Variants in SBF2 observed in about 807,000 individuals in gnomAD.
SBF2 encodes myotubularin-related protein 13.
A neutral mutation model predicts 225.2 loss-of-function variants in SBF2; 112 were observed. The ratio of observed to expected loss-of-function variants is 0.50; its 90% CI spans 0.43 to 0.58. SBF2 has a LOEUF of 0.58. Among genes scored for constraint, SBF2 ranks in the 20% least tolerant of loss-of-function variants. SBF2 has a pLI of 0.00. For synonymous variants in SBF2, 763 were observed against 773.3 expected (o/e 0.99, Z 0.22); for missense variants, 1,996 against 2,206.2 (o/e 0.90, Z 1.91).
rs142786410 is a variant in SBF2 at position 9,779,020 on chromosome 11, T to C, written c.*1398A>G. 398 of 152,772 alleles carry C rather than the reference T, an allele frequency of 2.6e-3. 3 individuals are homozygous for C. Among genetic ancestry groups the C allele is most frequent in the African/African-American group, 9.1e-3 (378 of 41,584 alleles). The allele number at this position is 152,772 out of a possible 1,614,324, so 9.5% of individuals were successfully genotyped here. A position where few individuals can be genotyped will look rare whatever the true frequency, so the allele number is the denominator to read the frequency against. On this transcript the variant is annotated 3_prime_UTR_variant, in exon 40 of 40. Transcript: ENST00000256190. The stretch of plus-strand genomic sequence containing the variant: ...CAGGTGGCAATTTATAAAATGGAAA[T>C]GATAGAAAAGTCCTTCATTCTTAAT...
intron 18 of SBF2, 34 bp from the exon 19 acceptor site, chr11:9,856,754 C>A: frequency 6.2e-7 from 1 of 1,601,026 alleles, no homozygotes; most frequent in East Asian, 2.2e-5. Context: ...CAAAAGAGAA[C>A]CATCACTTCA....
chr11:9,923,375 A>T (rs1410587257), intron 16 of SBF2, among the ~76,000 whole-genome samples: 1 of 152,204 alleles, frequency 6.6e-6, no homozygotes, highest in Non-Finnish European at 1.5e-5. Context: ...GGAGAGACTA[A>T]GCAATTTAAA....
intron 2 of SBF2, among the ~76,000 whole-genome samples, chr11:10,108,066 T>C (rs1190652244): frequency 6.6e-6 from 1 of 152,222 alleles, no homozygotes; most frequent in African/African-American, 2.4e-5. Context: ...TTAAAAGTTA[T>C]GAAAGTATAC....
intron 30 of SBF2, among the ~76,000 whole-genome samples, chr11:9,812,085 G>A (rs1854218685): frequency 6.6e-6 from 1 of 151,986 alleles, no homozygotes; most frequent in Non-Finnish European, 1.5e-5. Context: ...TGTGCCTTTG[G>A]TGGGTAGTGT....
intron 16 of SBF2, among the ~76,000 whole-genome samples, chr11:9,898,249 T>A (rs1215766968): frequency 2.0e-5 from 3 of 152,200 alleles, no homozygotes; most frequent in Non-Finnish European, 2.9e-5. Flanking sequence ...AAGCTAGTCT[T>A]TCTAGCCTGA....
At chr11:10,275,526 T>A (rs930267169) in intron 1 of SBF2, among the ~76,000 whole-genome samples, 11 of 152,088 alleles carry the variant, frequency 7.2e-5, no homozygotes, top group African/African-American at 2.7e-4. Context: ...GTTTCTACAG[T>A]AAAATACATG....
chr11:10,202,804 CA>C (rs1957615483), intron 1 of SBF2, among the ~76,000 whole-genome samples: 2 of 152,152 alleles, frequency 1.3e-5, no homozygotes, highest in Admixed American at 6.5e-5. Flanking sequence ...ACAAAAGGTC[CA>C]AAAATCATTA....
At chr11:9,807,716 G>A in intron 32 of SBF2, 1 of 463,824 alleles carries the variant, frequency 2.2e-6, no homozygotes, top group East Asian at 4.2e-5. Context: ...TAGGTAATAA[G>A]CCCAAGTTTG....
intron 3 of SBF2, among the ~76,000 whole-genome samples, chr11:10,039,050 A>G (rs73410839): frequency 9.0e-4 from 137 of 151,998 alleles, no homozygotes; most frequent in African/African-American, 3.1e-3. Flanking sequence ...AGTTTTGCTT[A>G]TGATTACTGA....
chr11:10,265,571 C>T (rs1274411004), intron 1 of SBF2, among the ~76,000 whole-genome samples: 3 of 151,342 alleles, frequency 2.0e-5, no homozygotes, highest in Non-Finnish European at 4.4e-5. Flanking sequence ...AACATACAGT[C>T]AATATAAAAA....
At chr11:10,076,952 C>A (rs1951144967) in intron 2 of SBF2, among the ~76,000 whole-genome samples, 1 of 152,094 alleles carries the variant, frequency 6.6e-6, no homozygotes, top group Non-Finnish European at 1.5e-5. Flanking sequence ...GAACAGGGCC[C>A]CTGGGAGTTC....
At chr11:10,273,118 T>G (rs1207873008) in intron 1 of SBF2, among the ~76,000 whole-genome samples, 1 of 152,084 alleles carries the variant, frequency 6.6e-6, no homozygotes, top group African/African-American at 2.4e-5. Flanking sequence ...AATAAATCCC[T>G]GGAGTGAGCC....
chr11:9,967,947 GTCTCTCTC>G lies in SBF2; in HGVS notation c.1600+386_1600+393del, dbSNP rs1214352340. Among the ~76,000 whole-genome samples the G allele has an allele frequency of 2.7e-4, 27 of 100,246 alleles. No homozygotes were observed. The East Asian group carries it at 5.7e-3, about 21-fold the overall frequency. The allele number at this position is 100,246 out of a possible 152,430, so 65.8% of individuals were successfully genotyped here. ...TGTCTGTCTGTCTGTCTGTCTGTCT[GTCTCTCTC>G]TCTCTCTCTCTCTCTCTATATATAT... is the stretch of plus-strand genomic sequence containing the variant. On this transcript the variant is annotated intron_variant, in intron 14 of 39. Transcript: ENST00000256190.
chr11:9,938,090 G>A (rs12274440), intron 16 of SBF2, among the ~76,000 whole-genome samples: 21,575 of 151,912 alleles, frequency 0.14, 1,804 homozygotes, highest in African/African-American at 0.22. Flanking sequence ...AGGAGATCGA[G>A]ACCATCCTGG....
chr11:9,877,858 C>T (rs557450443), intron 17 of SBF2, among the ~76,000 whole-genome samples: 6 of 152,216 alleles, frequency 3.9e-5, no homozygotes, highest in African/African-American at 1.2e-4. Context: ...AATAAATTTA[C>T]GTGTGCATGT....
At chr11:10,069,264 T>A (rs936530989) in intron 2 of SBF2, among the ~76,000 whole-genome samples, 3 of 151,912 alleles carry the variant, frequency 2.0e-5, no homozygotes, top group Non-Finnish European at 2.9e-5. Context: ...GCTGCACCCA[T>A]CAACTCATCA....
At chr11:9,942,311 C>G (rs1382884401) in intron 16 of SBF2, among the ~76,000 whole-genome samples, 1 of 152,168 alleles carries the variant, frequency 6.6e-6, no homozygotes, top group East Asian at 1.9e-4. Flanking sequence ...CCTAGGCCTC[C>G]CAAGGTGCTG....
chr11:10,012,343 T>C (rs1315179268), intron 6 of SBF2, among the ~76,000 whole-genome samples: 1 of 152,164 alleles, frequency 6.6e-6, no homozygotes, highest in Non-Finnish European at 1.5e-5. Flanking sequence ...GTTCTCACTA[T>C]GTTTCTCAGG....
chr11:10,219,860 G>A (rs985261369), intron 1 of SBF2, among the ~76,000 whole-genome samples: 1 of 152,102 alleles, frequency 6.6e-6, no homozygotes, highest in Non-Finnish European at 1.5e-5. Flanking sequence ...CAGCATTTTG[G>A]TCAAAGCCAT....
Sources: allele counts gnomAD v4.1 joint callset (sites outside exome capture counted in the v4.1 genomes callset), GRCh38; gene constraint gnomAD v4.1.1; transcripts MANE v1.5; gene names NCBI Gene and HGNC (gene_info 2026-07-23, HGNC 2026-07-21).